DOCK8: variants seen among roughly 807,000 people sequenced by gnomAD.
DOCK8 encodes the protein dedicator of cytokinesis 8, also known as dedicator of cytokinesis protein 8.
In DOCK8, 141 loss-of-function variants were observed where a neutral mutation model predicts 245.6. The observed-to-expected ratio is 0.57, with a 90% CI of 0.50 to 0.66. DOCK8 has a LOEUF of 0.66. Ranked by LOEUF, DOCK8 falls within the 30% of genes least tolerant of loss-of-function variation. DOCK8 has a pLI of 0.00. For missense variants in DOCK8, 2,965 were observed against 2,603.4 expected (o/e 1.14, Z -3.02); for synonymous variants, 1,168 against 970.2 (o/e 1.20, Z -3.79).
chr9:228,134 G>A (rs1384710981), intron 1 of DOCK8, among the ~76,000 whole-genome samples: 4 of 152,166 alleles, frequency 2.6e-5, no homozygotes, highest in East Asian at 1.9e-4. Flanking sequence ...GGATGAGGCC[G>A]AAGAGAAATG....
intron 1 of DOCK8, among the ~76,000 whole-genome samples, chr9:252,452 A>T (rs184975068): frequency 4.6e-4 from 70 of 152,276 alleles, no homozygotes; most frequent in African/African-American, 1.6e-3. Flanking sequence ...TTACTGTGTA[A>T]GTTAGCATGA....
chr9:258,706 T>C (rs1322953101), intron 1 of DOCK8, among the ~76,000 whole-genome samples: 3 of 149,704 alleles, frequency 2.0e-5, no homozygotes, highest in Non-Finnish European at 3.0e-5. Context: ...CAAGCAATTC[T>C]CCTGCCTCAG....
At position 400,718 on chromosome 9, in the gene DOCK8, A is replaced by G. The variant is rs537641482; in HGVS notation, c.3234+1459A>G. On this transcript the variant is annotated intron_variant, in intron 26 of 47. Transcript: ENST00000432829. ...CACCACCACCACCACCTCCACCATCACCACCACCACCTCCACCACCACCAG... is the reference window on the plus strand; with the variant it reads ...CACCACCACCACCACCTCCACCATCGCCACCACCACCTCCACCACCACCAG... Among the ~76,000 whole-genome samples, 8 of 55,128 alleles carry G rather than the reference A, an allele frequency of 1.5e-4. No individual in the cohort carries two copies. In the East Asian group the frequency reaches 5.5e-3, roughly 38 times the overall value. 36.2% of individuals were successfully genotyped at this position (55,128 alleles called of 152,430 possible). A position where few individuals can be genotyped will look rare whatever the true frequency, so the allele number is the denominator to read the frequency against.
intron 1 of DOCK8, among the ~76,000 whole-genome samples, chr9:238,389 G>A (rs552848): frequency 0.54 from 81,828 of 152,064 alleles, 22,793 homozygotes; most frequent in East Asian, 0.78. Context: ...TTCTGAGGTA[G>A]CATGTAATAC....
rs2053665463 is a variant in DOCK8 at position 379,772 on chromosome 9, C to G, written c.2442C>G (p.Ala814=). ...CCCATTTTTCTCTTGGTTCCTCAGC[C>G]AACTTCTCCCAGTTTGCCTTCGAGT... is the stretch of plus-strand genomic sequence containing the variant. The part of the protein sequence containing the change: ...VQPMVIAGQT[A]NFSQFAFESV... Residue 814 remains alanine, a splice_region_variant and synonymous_variant, in exon 21 of 48, where the codon GCC becomes GCG. Transcript: ENST00000432829. 1 of 1,614,084 alleles carries G rather than the reference C, an allele frequency of 6.2e-7. No individual in the cohort carries two copies. Among genetic ancestry groups the G allele is most frequent in the African/African-American group, 1.3e-5 (1 of 74,934 alleles).
At position 435,849 on chromosome 9, in the gene DOCK8, A is replaced by G. The variant is rs370764835; in HGVS notation, c.5079+874A>G. 1.3e-3 allele frequency among the ~76,000 whole-genome samples: 198 copies of G among 152,320 alleles called. 1 individual carries two copies. Among genetic ancestry groups the G allele is most frequent in the African/African-American group, 4.6e-3 (190 of 41,580 alleles). Reference sequence around the variant, plus strand: ...GCACAATGTTGGGTACTTTTTTTGTAAGAGACATAGTTTGTAGAGATGACC... The same window carrying G: ...GCACAATGTTGGGTACTTTTTTTGTGAGAGACATAGTTTGTAGAGATGACC... On this transcript the variant is annotated intron_variant, in intron 39 of 47. Transcript: ENST00000432829.
intron 1 of DOCK8, among the ~76,000 whole-genome samples, chr9:225,926 C>T (rs890791578): frequency 1.3e-5 from 2 of 152,094 alleles, no homozygotes; most frequent in African/African-American, 4.8e-5. Flanking sequence ...ACTGGTCTGT[C>T]TCTAGTGGAG....
intron 39 of DOCK8, among the ~76,000 whole-genome samples, chr9:437,284 G>A (rs1226234724): frequency 6.6e-6 from 1 of 152,188 alleles, no homozygotes; most frequent in Non-Finnish European, 1.5e-5. Context: ...TCTGCCATCT[G>A]TTGTGTCAGC....
chr9:387,203 G>C (rs113095341), intron 23 of DOCK8, among the ~76,000 whole-genome samples: 3 of 152,116 alleles, frequency 2.0e-5, no homozygotes, highest in East Asian at 3.9e-4. Flanking sequence ...CAGCACTTTC[G>C]GAGGCCGAGG....
chr9:296,691 C>T (rs778267217), intron 4 of DOCK8, among the ~76,000 whole-genome samples: 7 of 152,204 alleles, frequency 4.6e-5, no homozygotes, highest in Non-Finnish European at 8.8e-5. Context: ...CTTATTATGA[C>T]ATGCATTTGT....
intron 9 of DOCK8, among the ~76,000 whole-genome samples, chr9:328,682 T>C (rs2050868795): frequency 6.6e-6 from 1 of 151,888 alleles, no homozygotes; most frequent in East Asian, 1.9e-4. Context: ...TCCAGCCTCT[T>C]ACAAGCTGAA....
chr9:279,535 G>A (rs527649555), intron 2 of DOCK8, among the ~76,000 whole-genome samples: 1 of 152,302 alleles, frequency 6.6e-6, no homozygotes, highest in Admixed American at 6.5e-5. Flanking sequence ...CAATTTGCCT[G>A]GTACTGAGGA....
chr9:274,098 G>A (rs960484921), intron 2 of DOCK8, among the ~76,000 whole-genome samples: 1 of 152,134 alleles, frequency 6.6e-6, no homozygotes, highest in Non-Finnish European at 1.5e-5. Context: ...CTTAATATCT[G>A]TAAGCATTCG....
chr9:388,499 A>C (rs1017640957), intron 23 of DOCK8, among the ~76,000 whole-genome samples: 1 of 151,894 alleles, frequency 6.6e-6, no homozygotes, highest in African/African-American at 2.4e-5. Context: ...CTCAAATTTT[A>C]ATGTACGCAA....
intron 1 of DOCK8, among the ~76,000 whole-genome samples, chr9:216,537 CAAA>C (rs59529982): frequency 1.3e-4 from 12 of 88,922 alleles, no homozygotes; most frequent in South Asian, 4.3e-4. Context: ...AAAAAACAGA[CAAA>C]AAAAAAAAAA....
intron 5 of DOCK8, among the ~76,000 whole-genome samples, chr9:308,572 AATTAG>A: frequency 6.6e-6 from 1 of 152,366 alleles, no homozygotes; most frequent in East Asian, 1.9e-4. Context: ...ATTTTATAAA[AATTAG>A]ATTATATTAT....
At chr9:352,006 G>A (rs1250574583) in intron 14 of DOCK8, among the ~76,000 whole-genome samples, 1 of 152,308 alleles carries the variant, frequency 6.6e-6, no homozygotes, top group East Asian at 1.9e-4. Context: ...ATGCATGTTT[G>A]GTGGGCGTCG....
rs534863453 is a variant in DOCK8 at position 415,689 on chromosome 9, C to T, written c.3700+738C>T. ...ACGTGTGTGTGCACGTGTGTGCGCG[C>T]GTGCACACACACACACACACAATTC... On this transcript the variant is annotated intron_variant, in intron 29 of 47. Transcript: ENST00000432829. Among the ~76,000 whole-genome samples the T allele has an allele frequency of 3.3e-4, 49 of 146,558 alleles. No homozygotes were observed. The South Asian group carries it at 7.9e-3, about 23-fold the overall frequency.
intron 4 of DOCK8, among the ~76,000 whole-genome samples, chr9:303,259 A>G (rs973401490): frequency 4.6e-5 from 7 of 152,248 alleles, no homozygotes; most frequent in Non-Finnish European, 1.0e-4. Flanking sequence ...CAGAACTACC[A>G]TTCAACCCAG....
Sources: allele counts gnomAD v4.1 joint callset (sites outside exome capture counted in the v4.1 genomes callset), GRCh38; gene constraint gnomAD v4.1.1; transcripts MANE v1.5; gene names NCBI Gene and HGNC (gene_info 2026-07-23, HGNC 2026-07-21).